Variants in COX7B observed in about 807,000 individuals in gnomAD.
COX7B encodes cytochrome c oxidase subunit 7B, mitochondrial.
Under a neutral mutation model 7.9 loss-of-function variants are expected in COX7B, and 2 were observed. The observed-to-expected ratio is 0.25, with a 90% confidence interval of 0.10 to 0.79. The LOEUF (loss-of-function observed/expected upper bound fraction) is 0.79, where lower values mean the gene tolerates loss of function less well. Ranked by LOEUF, COX7B falls within the 30% of genes least tolerant of loss-of-function variation. The probability of loss-of-function intolerance (pLI) is 0.69; values close to 1 mark genes in which losing one functional copy is unlikely to be tolerated. For synonymous variants in COX7B, 19 were observed against 21.1 expected, an observed-to-expected ratio of 0.90 and a Z score of 0.27; for missense variants, 54 against 62.7, an observed-to-expected ratio of 0.86 and a Z score of 0.47.
At position 77,906,519 on chromosome X, in the gene COX7B, C is replaced by T. The variant is rs1225689316; in HGVS notation, c.*1258C>T. 1 of 112,144 alleles carries T rather than the reference C, an allele frequency of 8.9e-6. No individual in the cohort carries two copies. Among genetic ancestry groups the T allele is most frequent in the African/African-American group, 3.2e-5 (1 of 30,853 alleles). 9.2% of individuals were successfully genotyped at this position (112,144 alleles called of 1,213,427 possible). A position where few individuals can be genotyped will look rare whatever the true frequency, so the allele number is the denominator to read the frequency against. On this transcript the variant is annotated 3_prime_UTR_variant, in exon 3 of 3. Transcript: ENST00000650309. ...GTTCCTAGTTATCTACTATCAGTCA[C>T]CTGTTGTATAATTATAACAATGTTT... is the stretch of plus-strand genomic sequence containing the variant.
chrX:77,905,129 C>T (rs1408270662), intron 2 of COX7B, 55 bp from the exon 3 acceptor site: 21 of 935,585 alleles, frequency 2.2e-5, no homozygotes, highest in African/African-American at 1.4e-4. Flanking sequence ...AAATAGTCTC[C>T]GAGAGAGTGT....
At chrX:77,899,982 C>T (rs782706672) in intron 1 of COX7B, among the ~76,000 whole-genome samples, 6 of 112,012 alleles carry the variant, frequency 5.4e-5, no homozygotes, top group African/African-American at 1.9e-4. Flanking sequence ...CTGTAATAGA[C>T]GGAAACTGTA....
intron 1 of COX7B, 64 bp downstream of exon 1, chrX:77,899,657 C>A: frequency 9.4e-7 from 1 of 1,065,510 alleles, no homozygotes; most frequent in Non-Finnish European, 1.3e-6. Flanking sequence ...CGCGGCCTCT[C>A]GTGTGCTTTC....
chrX:77,902,321 C>A (rs1557220698), intron 1 of COX7B, among the ~76,000 whole-genome samples: 1 of 111,910 alleles, frequency 8.9e-6, no homozygotes, highest in African/African-American at 3.2e-5. Flanking sequence ...TTTCCCCCAA[C>A]ACTATTATGA....
At chrX:77,903,686 G>T (rs781892989) in intron 2 of COX7B, among the ~76,000 whole-genome samples, 2 of 110,356 alleles carry the variant, frequency 1.8e-5, no homozygotes, top group Non-Finnish European at 3.8e-5. Context: ...TAATTTTTTT[G>T]TTCATGGTTT....
chrX:77,905,489 T>C lies in COX7B; in HGVS notation c.*228T>C. 1 of 235,699 alleles carries C rather than the reference T, an allele frequency of 4.2e-6. No individual in the cohort carries two copies. The highest frequency in any genetic ancestry group is 7.1e-6 in the Non-Finnish European group (1 of 140,082). 19.4% of individuals were successfully genotyped at this position (235,699 alleles called of 1,213,427 possible). ...TGCAGCTTCTTAAATAGGTTTTTTT[T>C]TTTTTTTTTTTTTTTTTTTGGGACG... On this transcript the variant is annotated 3_prime_UTR_variant, in exon 3 of 3. Coordinates refer to ENST00000650309, the MANE Select transcript of COX7B (RefSeq NM_001866.3).
chrX:77,900,626 G>A (rs1365556052), intron 1 of COX7B, among the ~76,000 whole-genome samples: 2 of 112,554 alleles, frequency 1.8e-5, no homozygotes, highest in South Asian at 3.6e-4. Flanking sequence ...TCACTTAATA[G>A]AATCATTGGA....
Position 77,899,575 on chromosome X carries a change from G to T in COX7B, c.22G>T (p.Ala8Ser). The T allele has an allele frequency of 8.3e-7, 1 of 1,210,813 alleles. No individual in the cohort carries two copies. The highest frequency in any genetic ancestry group is 1.1e-6 in the Non-Finnish European group (1 of 895,132). The change falls in exon 1 of 3, where the codon GCA becomes TCA. Residue 8 changes from alanine (A) to serine (S), a missense_variant. Transcript: ENST00000650309. MFPLVKS[A>S]LNRLQVRSIQ... ...CACGATGTTTCCCTTGGTCAAAAGC[G>T]CACTAAATCGTCTCCAAGGTGAGCA...
intron 1 of COX7B, 90 bp downstream of exon 1, chrX:77,899,683 C>T (rs2077115805): frequency 1.1e-6 from 1 of 893,958 alleles, no homozygotes; most frequent in Admixed American, 2.4e-5. Context: ...ACGAACATCT[C>T]GGCCTTCTAA....
chrX:77,902,223 C>G (rs905456750), intron 1 of COX7B, among the ~76,000 whole-genome samples: 9 of 111,687 alleles, frequency 8.1e-5, no homozygotes, highest in Non-Finnish European at 5.6e-5. Context: ...CATAAGTATT[C>G]AAATTAATCA....
chrX:77,902,816 A>G (rs1557220753), intron 2 of COX7B, 49 bp downstream of exon 2: 1 of 1,134,521 alleles, frequency 8.8e-7, no homozygotes, highest in African/African-American at 1.8e-5. Context: ...TTTCATTCTC[A>G]GTCTATGCAT....
rs781860319 is a variant in COX7B, at chrX:77,903,993, C to T, written c.166-1191C>T. ...TGTCGCCCAGGCTGGAGTGCAGTGGCGCGATCTCTGCTCACTGCAAACTCC... is the reference window on the plus strand; with the variant it reads ...TGTCGCCCAGGCTGGAGTGCAGTGGTGCGATCTCTGCTCACTGCAAACTCC... On this transcript the variant is annotated intron_variant, in intron 2 of 2. Coordinates refer to ENST00000650309, the MANE Select transcript of COX7B (RefSeq NM_001866.3). Among the ~76,000 whole-genome samples the T allele has an allele frequency of 2.9e-4, 28 of 95,855 alleles. 1 individual carries two copies. The highest frequency in any genetic ancestry group is 2.5e-3 in the Admixed American group (20 of 8,041). The allele number at this position is 95,855 out of a possible 115,157, so 83.2% of individuals were successfully genotyped here. A position where few individuals can be genotyped will look rare whatever the true frequency, so the allele number is the denominator to read the frequency against.
intron 2 of COX7B, chrX:77,903,229 C>T (rs1359171674): frequency 1.2e-5 from 1 of 83,587 alleles, no homozygotes; most frequent in Admixed American, 1.5e-4. Flanking sequence ...GAGTCTTGCT[C>T]TGTTGCCCAG....
chrX:77,903,538 T>C (rs781997936), intron 2 of COX7B, among the ~76,000 whole-genome samples: 1 of 111,014 alleles, frequency 9.0e-6, no homozygotes, highest in South Asian at 3.8e-4. Context: ...AAAATCTGCC[T>C]TTTTCCTATG....
rs1156832516 is a variant in COX7B, at chrX:77,906,915, A to G, written c.*1654A>G. ...AGTGCTAGGCTTACAGGCATGAGAC[A>G]CCGCGCCCGGCTTATATATCATTAC... is the stretch of plus-strand genomic sequence containing the variant. On this transcript the variant is annotated 3_prime_UTR_variant, in exon 3 of 3. Transcript: ENST00000650309. 6 of 110,976 alleles carry G rather than the reference A, an allele frequency of 5.4e-5. No individual in the cohort carries two copies. Among genetic ancestry groups the G allele is most frequent in the Non-Finnish European group, 7.5e-5 (4 of 53,048 alleles). 9.1% of individuals were successfully genotyped at this position (110,976 alleles called of 1,213,427 possible). A position where few individuals can be genotyped will look rare whatever the true frequency, so the allele number is the denominator to read the frequency against.
chrX:77,907,221 A>G lies in COX7B; in HGVS notation c.*1960A>G, dbSNP rs1376605304. The G allele has an allele frequency of 8.9e-6, 1 of 111,957 alleles. No individual in the cohort carries two copies. Among genetic ancestry groups the G allele is most frequent in the Non-Finnish European group, 1.9e-5 (1 of 53,264 alleles). The allele number at this position is 111,957 out of a possible 1,213,427, so 9.2% of individuals were successfully genotyped here. On this transcript the variant is annotated 3_prime_UTR_variant, in exon 3 of 3. Transcript: ENST00000650309. The stretch of plus-strand genomic sequence containing the variant: ...AAATTAAGTTGCAAGTTTAGTAACC[A>G]TATTGTACCACTGTTTGATAAATTT...
Position 77,903,350 on chromosome X carries a change from C to T in COX7B, c.165+583C>T, listed in dbSNP as rs575997217. On this transcript the variant is annotated intron_variant, in intron 2 of 2. Transcript: ENST00000650309. Reference sequence around the variant, plus strand: ...GCGGGATTACAGGCGCCCTCCAGTACGCCTGGCAGATTTTTGTATTTTTAG... The same window carrying T: ...GCGGGATTACAGGCGCCCTCCAGTATGCCTGGCAGATTTTTGTATTTTTAG... Among the ~76,000 whole-genome samples, 18 of 109,138 alleles carry T rather than the reference C, an allele frequency of 1.6e-4. No homozygotes were observed. In the South Asian group the frequency reaches 3.6e-3, roughly 22 times the overall value. The allele number at this position is 109,138 out of a possible 115,157, so 94.8% of individuals were successfully genotyped here.
At chrX:77,903,148 C>T (rs1422330307) in intron 2 of COX7B, 1 of 109,851 alleles carries the variant, frequency 9.1e-6, no homozygotes, top group African/African-American at 3.5e-5. Context: ...GCCTCAGGCT[C>T]CCAAGTAGCT....
chrX:77,902,856 A>G, intron 2 of COX7B, 89 bp downstream of exon 2: 2 of 924,835 alleles, frequency 2.2e-6, no homozygotes, highest in Non-Finnish European at 3.0e-6. Flanking sequence ...TAGTGTACAT[A>G]TCTAGTTAGG....
Sources: allele counts gnomAD v4.1 joint callset (sites outside exome capture counted in the v4.1 genomes callset), GRCh38; gene constraint gnomAD v4.1.1; transcripts MANE v1.5; gene names NCBI Gene and HGNC (gene_info 2026-07-23, HGNC 2026-07-21).